The following KCND3 variants were observed in gnomAD, a reference collection of about 807,000 sequenced individuals.
The protein encoded by KCND3 is A-type voltage-gated potassium channel KCND3.
KCND3 carries 9 observed loss-of-function variants against 51.1 expected under a neutral mutation model. The ratio of observed to expected loss-of-function variants is 0.18; its 90% CI spans 0.11 to 0.31. KCND3 has a LOEUF of 0.31. Among genes scored for constraint, KCND3 ranks in the 10% least tolerant of loss-of-function variants. KCND3 has a pLI of 1.00. For missense variants in KCND3, 526 were observed against 903.8 expected (o/e 0.58, Z 5.36); for synonymous variants, 349 against 368.0 (o/e 0.95, Z 0.59).
chr1:111,912,592 G>A (rs186197246), intron 2 of KCND3, among the ~76,000 whole-genome samples: 1 of 152,330 alleles, frequency 6.6e-6, no homozygotes, highest in East Asian at 1.9e-4. Context: ...TCATGGAGGA[G>A]GATGGCTCCA....
At chr1:111,779,382 A>G (rs1664274140) in intron 5 of KCND3, among the ~76,000 whole-genome samples, 1 of 152,226 alleles carries the variant, frequency 6.6e-6, no homozygotes. Context: ...GATATGGAAC[A>G]TCTAGAATTA....
chr1:111,862,700 C>T lies in KCND3; in HGVS notation c.1107-75594G>A, dbSNP rs567857301. Among the ~76,000 whole-genome samples the T allele has an allele frequency of 1.6e-4, 25 of 152,368 alleles. 1 individual carries two copies. In the South Asian group the frequency reaches 5.0e-3, roughly 30 times the overall value. On this transcript the variant is annotated intron_variant, in intron 2 of 7. Transcript: ENST00000302127. ...GTTGGATGACCTTAACCTCCCTTAC[C>T]TCAGTTCCCTTCTCTGTAGAGTAGG...
intron 2 of KCND3, among the ~76,000 whole-genome samples, chr1:111,973,473 A>G (rs779058190): frequency 2.0e-5 from 3 of 152,234 alleles, no homozygotes; most frequent in Non-Finnish European, 4.4e-5. Flanking sequence ...TCTGGGATGG[A>G]GGGAGGGCTA....
At chr1:111,861,848 TG>T (rs907890045) in intron 2 of KCND3, among the ~76,000 whole-genome samples, 4 of 152,218 alleles carry the variant, frequency 2.6e-5, no homozygotes, top group African/African-American at 9.7e-5. Context: ...GCAGCCTCTG[TG>T]GGGTCAGGAA....
chr1:111,809,719 A>G (rs919368343), intron 2 of KCND3, among the ~76,000 whole-genome samples: 1 of 152,164 alleles, frequency 6.6e-6, no homozygotes, highest in African/African-American at 2.4e-5. Flanking sequence ...GCATGCACCA[A>G]CCCACTCATT....
chr1:111,957,602 G>A (rs1052749984), intron 2 of KCND3, among the ~76,000 whole-genome samples: 11 of 152,152 alleles, frequency 7.2e-5, no homozygotes, highest in African/African-American at 2.7e-4. Context: ...GCCAGGAAGA[G>A]AGCATGGAAG....
intron 2 of KCND3, among the ~76,000 whole-genome samples, chr1:111,846,452 C>CTGCTGCTGA: frequency 6.6e-6 from 1 of 152,156 alleles, no homozygotes; most frequent in South Asian, 2.1e-4. Context: ...GCTGCTGCTG[C>CTGCTGCTGA]TGATAAAAGA....
intron 2 of KCND3, among the ~76,000 whole-genome samples, chr1:111,932,763 A>T (rs1672040071): frequency 6.6e-6 from 1 of 152,208 alleles, no homozygotes. Flanking sequence ...GCCCTGCAGG[A>T]AGTCCCCACT....
At chr1:111,952,652 G>A (rs1673118822) in intron 2 of KCND3, among the ~76,000 whole-genome samples, 1 of 152,156 alleles carries the variant, frequency 6.6e-6, no homozygotes. Context: ...CTAGAGCAAG[G>A]AGGAAGCTCA....
intron 2 of KCND3, among the ~76,000 whole-genome samples, chr1:111,978,458 T>C (rs1674764668): frequency 6.6e-6 from 1 of 152,186 alleles, no homozygotes; most frequent in Admixed American, 6.5e-5. Context: ...CCACTTGGAC[T>C]CAAATGCCAG....
chr1:111,839,684 A>G (rs1467310543), intron 2 of KCND3, among the ~76,000 whole-genome samples: 3 of 152,252 alleles, frequency 2.0e-5, no homozygotes, highest in African/African-American at 7.2e-5. Context: ...CTTACCATGC[A>G]TTATCTCATT....
At position 111,981,859 on chromosome 1, in the gene KCND3, G is replaced by A. The variant is rs1674966199; in HGVS notation, c.868C>T (p.Arg290Trp). 6.2e-7 allele frequency: 1 copy of A among 1,613,982 alleles called. No individual in the cohort carries two copies. The highest frequency in any genetic ancestry group is 8.5e-7 in the Non-Finnish European group (1 of 1,179,982). Residue 290 changes from arginine to tryptophan, a missense_variant, in exon 2 of 8, where the codon CGG becomes TGG. Transcript: ENST00000302127. This position sits in a 1 kb window ranked among gnomAD's most constrained non-coding sequence, Gnocchi z 6.2. ...AAGATCCTGAAGACGCGGAAGACCC[G>A]GAGCGTGACGAAGGCGCCGGACACG... ...EDVSGAFVTL[R>W]VFRVFRIFKF...
chr1:111,828,577 G>A (rs990580026), intron 2 of KCND3, among the ~76,000 whole-genome samples: 2 of 152,116 alleles, frequency 1.3e-5, no homozygotes, highest in Non-Finnish European at 2.9e-5. Context: ...AGAAGGCTCA[G>A]TAATCCCCAG....
intron 2 of KCND3, among the ~76,000 whole-genome samples, chr1:111,884,079 C>T (rs188336546): frequency 2.4e-4 from 36 of 152,242 alleles, no homozygotes; most frequent in African/African-American, 7.2e-4. Context: ...TTATTTGTTC[C>T]GGAATGAATA....
chr1:111,860,143 T>C (rs556419531), intron 2 of KCND3, among the ~76,000 whole-genome samples: 164 of 152,352 alleles, frequency 1.1e-3, no homozygotes, highest in African/African-American at 3.8e-3. Flanking sequence ...AAATATTCGG[T>C]AGATAAATTA....
intron 2 of KCND3, among the ~76,000 whole-genome samples, chr1:111,927,185 G>C (rs1349301071): frequency 1.3e-5 from 2 of 152,224 alleles, no homozygotes; most frequent in African/African-American, 4.8e-5. Flanking sequence ...CACAGATTTA[G>C]AGCCAACAGA....
At chr1:111,829,725 C>T (rs1666748426) in intron 2 of KCND3, among the ~76,000 whole-genome samples, 1 of 152,152 alleles carries the variant, frequency 6.6e-6, no homozygotes, top group Non-Finnish European at 1.5e-5. Flanking sequence ...TAACCCAGCA[C>T]CTCACTGGAC....
intron 2 of KCND3, among the ~76,000 whole-genome samples, chr1:111,907,934 C>A (rs971079772): frequency 6.6e-6 from 1 of 151,814 alleles, no homozygotes; most frequent in African/African-American, 2.4e-5. Flanking sequence ...CACTGCCTGT[C>A]TTAGTAGTTC....
At chr1:111,798,447 A>G (rs1402631102) in intron 2 of KCND3, among the ~76,000 whole-genome samples, 2 of 152,056 alleles carry the variant, frequency 1.3e-5, no homozygotes, top group African/African-American at 4.8e-5. Context: ...ATGCCCTGAC[A>G]TACCTCCCCA....
Sources: allele counts gnomAD v4.1 joint callset (sites outside exome capture counted in the v4.1 genomes callset), GRCh38; gene constraint gnomAD v4.1.1; non-coding constraint Gnocchi (gnomAD v3.1); transcripts MANE v1.5; gene names NCBI Gene and HGNC (gene_info 2026-07-23, HGNC 2026-07-21).